LPCAT3: variants seen among roughly 807,000 people sequenced by gnomAD.
The protein encoded by LPCAT3 is lysophosphatidylcholine acyltransferase 3.
LPCAT3 carries 21 observed loss-of-function variants against 63.4 expected under a neutral mutation model. The ratio of observed to expected loss-of-function variants is 0.33; its 90% CI spans 0.23 to 0.48. LPCAT3 has a LOEUF of 0.48. Among genes scored for constraint, LPCAT3 ranks in the 20% least tolerant of loss-of-function variants. The pLI is 0.99. For synonymous variants in LPCAT3, 242 were observed against 227.5 expected, an observed-to-expected ratio of 1.06 and a Z score of -0.58; for missense variants, 451 against 590.6, an observed-to-expected ratio of 0.76 and a Z score of 2.45.
intron 1 of LPCAT3, among the ~76,000 whole-genome samples, chr12:6,994,449 C>T (rs1286694908): frequency 6.6e-6 from 1 of 152,132 alleles, no homozygotes; most frequent in East Asian, 1.9e-4. Context: ...CTCAAGTGAT[C>T]GACCTGCCTT....
rs372012935 is a variant in LPCAT3, at chr12:6,983,549, G to C, written c.152-10C>G. 41 of 1,546,564 alleles carry C rather than the reference G, an allele frequency of 2.7e-5. No homozygotes were observed. In the African/African-American group the frequency reaches 5.5e-4, roughly 21 times the overall value. ...AAAGCAAAGGGGTAACCTAGATGGG[G>C]GAAAAGATAAGAAGAGTGTTATTTG... On this transcript the variant is annotated splice_polypyrimidine_tract_variant and intron_variant, in intron 1 of 12. Transcript: ENST00000261407.
intron 1 of LPCAT3, among the ~76,000 whole-genome samples, chr12:6,994,626 C>G (rs1946621405): frequency 6.6e-6 from 1 of 152,032 alleles, no homozygotes; most frequent in South Asian, 2.1e-4. Flanking sequence ...ACAGGACCGG[C>G]TAATTTCTTG....
Position 6,978,519 on chromosome 12 carries a change from TA to T in LPCAT3, c.874-13del. On this transcript the variant is annotated splice_polypyrimidine_tract_variant and intron_variant, in intron 8 of 12. Coordinates refer to ENST00000261407, the MANE Select transcript of LPCAT3 (RefSeq NM_005768.6). ...ATGCATACTCCTTCCTGAGAGGGAA[TA>T]GCTCAGTTAGGGCTCTTGCCACTCC... The T allele has an allele frequency of 6.2e-7, 1 of 1,611,944 alleles. No individual in the cohort carries two copies. Among genetic ancestry groups the T allele is most frequent in the Non-Finnish European group, 8.5e-7 (1 of 1,178,342 alleles).
At chr12:6,990,285 G>A (rs1377431213) in intron 1 of LPCAT3, among the ~76,000 whole-genome samples, 9 of 151,478 alleles carry the variant, frequency 5.9e-5, no homozygotes, top group South Asian at 2.1e-4. Flanking sequence ...TGAGGCGGGC[G>A]GATCACGAGG....
chr12:6,987,673 TTC>T lies in LPCAT3; in HGVS notation c.152-4136_152-4135del. The T allele has an allele frequency of 2.5e-6, 1 of 396,564 alleles. No individual in the cohort carries two copies. Among genetic ancestry groups the T allele is most frequent in the Middle Eastern group, 5.8e-4 (1 of 1,716 alleles). 24.6% of individuals were successfully genotyped at this position (396,564 alleles called of 1,614,324 possible). On this transcript the variant is annotated intron_variant, in intron 1 of 12. Coordinates refer to ENST00000261407, the MANE Select transcript of LPCAT3 (RefSeq NM_005768.6). The surrounding 1 kb of genome is among the most constrained non-coding windows in gnomAD (Gnocchi z 4.1). ...ATAAATAAGTTCTAGGTAGCTAAGT[TTC>T]TCTCTTTAAGCATGAAAACCCTTAA...
intron 1 of LPCAT3, among the ~76,000 whole-genome samples, chr12:7,010,353 C>T (rs943795114): frequency 6.6e-6 from 1 of 152,198 alleles, no homozygotes; most frequent in African/African-American, 2.4e-5. Context: ...TAGAATCTTA[C>T]CATCCCCTTT....
At position 6,997,010 on chromosome 12, in the gene LPCAT3, G is replaced by GA. The variant is rs57621837; in HGVS notation, c.152-13472dup. 5.7e-4 allele frequency among the ~76,000 whole-genome samples: 86 copies of GA among 149,660 alleles called. 1 individual carries two copies. The highest frequency in any genetic ancestry group is 5.7e-3 in the South Asian group (27 of 4,710). The stretch of plus-strand genomic sequence containing the variant: ...GGCAGAGTCTGAAATTGATAAATGG[G>GA]AAAAAAAAAATCAATTGACTAGGTG... On this transcript the variant is annotated intron_variant, in intron 1 of 12. Transcript: ENST00000261407.
intron 1 of LPCAT3, among the ~76,000 whole-genome samples, chr12:6,991,735 A>G (rs779885680): frequency 1.1e-3 from 170 of 152,228 alleles, no homozygotes; most frequent in Admixed American, 3.4e-3. Context: ...TAGTTTGTCT[A>G]TCATTCTTTC....
rs781889016 is a variant in LPCAT3 at position 6,977,498 on chromosome 12, T to A, written c.1216A>T (p.Thr406Ser). ...QAARLIQESPTLSKLAAITVL... is the reference protein window; with the variant it reads ...QAARLIQESPSLSKLAAITVL... ...GTAATGGCGGCCAGCTTGCTCAGGG[T>A]GGGGCTCTCTTGAATGAGCCTGGCA... The change falls in exon 11 of 13, where the codon ACC becomes TCC. Residue 406 changes from threonine to serine, a missense_variant. By Grantham distance (58) the Thr-to-Ser change is moderately conservative. This residue lies in a region of LPCAT3 where 304 missense variants were observed against 390.8 expected (regional missense o/e 0.78). Coordinates refer to ENST00000261407, the MANE Select transcript of LPCAT3 (RefSeq NM_005768.6). This position sits in a 1 kb window ranked among gnomAD's most constrained non-coding sequence, Gnocchi z 4.5. 1.2e-6 allele frequency: 2 copies of A among 1,614,106 alleles called. No homozygotes were observed. The highest frequency in any genetic ancestry group is 1.7e-6 in the Non-Finnish European group (2 of 1,180,010).
intron 1 of LPCAT3, among the ~76,000 whole-genome samples, chr12:7,001,818 A>AACCC (rs1946689369): frequency 6.6e-6 from 1 of 152,120 alleles, no homozygotes; most frequent in African/African-American, 2.4e-5. Flanking sequence ...TAGTGGTTGA[A>AACCC]ACCCAGTGTT....
At chr12:6,981,439 T>C in intron 5 of LPCAT3, 156 bp downstream of exon 5, 7 of 796,912 alleles carry the variant, frequency 8.8e-6, no homozygotes, top group Non-Finnish European at 1.5e-5. Context: ...ATTAGATTTG[T>C]TGATCCTTGC....
Position 6,988,856 on chromosome 12 carries a change from G to A in LPCAT3, c.152-5317C>T, listed in dbSNP as rs144888825. The stretch of plus-strand genomic sequence containing the variant: ...TGTAAGAACTTGTTGGCCGGGCGCC[G>A]TGGCTCACGCCTGTAATCCCAGCAC... On this transcript the variant is annotated intron_variant, in intron 1 of 12. Transcript: ENST00000261407. 1.7e-3 allele frequency among the ~76,000 whole-genome samples: 261 copies of A among 152,280 alleles called. 1 individual carries two copies. In the South Asian group the frequency reaches 0.031, roughly 18 times the overall value.
At chr12:6,981,574 T>A in intron 5 of LPCAT3, 21 bp downstream of exon 5, 3 of 1,613,294 alleles carry the variant, frequency 1.9e-6, no homozygotes, top group Non-Finnish European at 2.5e-6. Context: ...TGAACCTCTC[T>A]GCCGATGAAT....
intron 12 of LPCAT3, 80 bp from the exon 13 acceptor site, chr12:6,976,971 G>C: frequency 1.7e-6 from 1 of 600,728 alleles, no homozygotes; most frequent in Non-Finnish European, 3.0e-6. Context: ...ATGTTTCCTA[G>C]CATGCCTCAA....
At chr12:6,989,402 C>T (rs1409873482) in intron 1 of LPCAT3, among the ~76,000 whole-genome samples, 2 of 151,276 alleles carry the variant, frequency 1.3e-5, no homozygotes, top group African/African-American at 2.4e-5. Flanking sequence ...CTCCGCCTCC[C>T]GGGTTCACGC....
intron 7 of LPCAT3, 143 bp downstream of exon 7, chr12:6,979,328 A>AT (rs1946445598): frequency 1.5e-6 from 1 of 658,912 alleles, no homozygotes; most frequent in African/African-American, 1.8e-5. Flanking sequence ...CACGGCTGGC[A>AT]TTGACAACTC....
At chr12:7,010,688 A>G (rs1946756751) in intron 1 of LPCAT3, among the ~76,000 whole-genome samples, 1 of 152,210 alleles carries the variant, frequency 6.6e-6, no homozygotes, top group African/African-American at 2.4e-5. Flanking sequence ...TTTTTTGTAA[A>G]TTAGCTTATG....
At chr12:7,007,962 C>G (rs1946738853) in intron 1 of LPCAT3, among the ~76,000 whole-genome samples, 1 of 152,162 alleles carries the variant, frequency 6.6e-6, no homozygotes, top group Non-Finnish European at 1.5e-5. Context: ...AATGACATTT[C>G]TATGAGCAGC....
At chr12:6,979,985 C>A in intron 6 of LPCAT3, 1 of 159,242 alleles carries the variant, frequency 6.3e-6, no homozygotes, top group Non-Finnish European at 1.3e-5. Context: ...ACAGGATGGA[C>A]AAGTTCTCAG....
Sources: allele counts gnomAD v4.1 joint callset (sites outside exome capture counted in the v4.1 genomes callset), GRCh38; gene constraint gnomAD v4.1.1; regional missense constraint gnomAD v4.1.1; non-coding constraint Gnocchi (gnomAD v3.1); transcripts MANE v1.5; gene names NCBI Gene and HGNC (gene_info 2026-07-23, HGNC 2026-07-21).